Variants in GIGYF1 observed in about 807,000 individuals in gnomAD.
GIGYF1 encodes GRB10-interacting GYF protein 1.
GIGYF1 carries 84 observed loss-of-function variants against 147.1 expected under a neutral mutation model. That is an observed-to-expected ratio of 0.57 (90% CI 0.48 to 0.68). GIGYF1 has a LOEUF of 0.68. Ranked by LOEUF, GIGYF1 falls within the 30% of genes least tolerant of loss-of-function variation. The probability of loss-of-function intolerance (pLI) is 0.00; values close to 1 mark genes in which losing one functional copy is unlikely to be tolerated. For synonymous variants in GIGYF1, 752 were observed against 589.5 expected, an observed-to-expected ratio of 1.28 and a Z score of -3.99; for missense variants, 1,485 against 1,393.7, an observed-to-expected ratio of 1.07 and a Z score of -1.04.
chr7:100,685,557 TGGCTGGAACCGCGG>T, intron 12 of GIGYF1, 76 bp from the exon 13 acceptor site: 2 of 1,531,862 alleles, frequency 1.3e-6, no homozygotes, highest in Non-Finnish European at 1.8e-6. Context: ...CCCTTGAGTG[TGGCTGGAACCGCGG>T]GTCACACTCC....
In GIGYF1 at chr7:100,688,495, T is replaced by C. The variant is rs1047291437; in HGVS notation, c.-114A>G. 1.3e-5 allele frequency: 9 copies of C among 684,256 alleles called. No homozygotes were observed. In the African/African-American group the frequency reaches 1.6e-4, roughly 12 times the overall value. The allele number at this position is 684,256 out of a possible 1,614,324, so 42.4% of individuals were successfully genotyped here. On this transcript the variant is annotated 5_prime_UTR_variant, in exon 3 of 27. Coordinates refer to ENST00000678049, the MANE Select transcript of GIGYF1 (RefSeq NM_001375765.1). Reference sequence around the variant, plus strand: ...ACTCACACCATGAGTTACCCAGAGATGAGTCCAGACGGTGAAAGACCTGGG... The same window carrying C: ...ACTCACACCATGAGTTACCCAGAGACGAGTCCAGACGGTGAAAGACCTGGG...
At position 100,686,492 on chromosome 7, in the gene GIGYF1, C is replaced by T. The variant is rs374251154; in HGVS notation, c.695-59G>A. The T allele has an allele frequency of 5.7e-3, 8,719 of 1,533,620 alleles. 42 individuals are homozygous for T. The highest frequency in any genetic ancestry group is 6.9e-3 in the Non-Finnish European group (7,919 of 1,143,290). On this transcript the variant is annotated intron_variant, in intron 10 of 26. Coordinates refer to ENST00000678049, the MANE Select transcript of GIGYF1 (RefSeq NM_001375765.1). ...GTACCCAAGCGAAGCCAGCGGCCCC[C>T]TCTGCTGCAGCTCACGGAGCACCTC...
Position 100,682,098 on chromosome 7 carries a change from C to T in GIGYF1, c.2899G>A (p.Ala967Thr). The T allele has an allele frequency of 1.9e-6, 3 of 1,613,580 alleles. No homozygotes were observed. Among genetic ancestry groups the T allele is most frequent in the Non-Finnish European group, 2.5e-6 (3 of 1,179,850 alleles). ...QFLERRAKQK[A>T]SQQRQQQQEA... ...TGCTGCTGCTGCCGCTGCTGGCTGG[C>T]TTTCTGCTTGGCCCTCCGCTCCAGG... Residue 967 changes from alanine to threonine, a missense_variant, in exon 25 of 27, where the codon GCC (alanine) becomes ACC (threonine). Coordinates refer to ENST00000678049, the MANE Select transcript of GIGYF1 (RefSeq NM_001375765.1).
In GIGYF1 at chr7:100,683,026, G is replaced by C. The variant is rs1272746684; in HGVS notation, c.2398C>G (p.Pro800Ala). 1.7e-5 allele frequency: 26 copies of C among 1,536,472 alleles called. No individual in the cohort carries two copies. Among genetic ancestry groups the C allele is most frequent in the Non-Finnish European group, 2.0e-5 (23 of 1,146,422 alleles). The stretch of plus-strand genomic sequence containing the variant: ...GGCCTGCTCACCACTCGGTGGTTGG[G>C]GGCCTGGGCCCGAGCTGGCTCCCGA... ...PPREPARAQAPNHRVQLGGLG... is the reference protein window; with the variant it reads ...PPREPARAQAANHRVQLGGLG... The change falls in exon 22 of 27, where the codon CCC becomes GCC. Residue 800 changes from proline (P) to alanine (A), a missense_variant. Coordinates refer to ENST00000678049, the MANE Select transcript of GIGYF1 (RefSeq NM_001375765.1).
rs75108396 is a variant in GIGYF1, at chr7:100,680,240, G to C, written c.*1479C>G. ...ATCTTTCTGGGACTAGATGGGGAAA[G>C]AAACGGGCCACTCCCCATGTCCCCA... On this transcript the variant is annotated 3_prime_UTR_variant, in exon 27 of 27. Coordinates refer to ENST00000678049, the MANE Select transcript of GIGYF1 (RefSeq NM_001375765.1). 1 of 147,542 alleles carries C rather than the reference G, an allele frequency of 6.8e-6. No individual in the cohort carries two copies. Among genetic ancestry groups the C allele is most frequent in the African/African-American group, 2.5e-5 (1 of 39,530 alleles). The allele number at this position is 147,542 out of a possible 1,614,324, so 9.1% of individuals were successfully genotyped here.
At position 100,682,371 on chromosome 7, in the gene GIGYF1, C is replaced by G. The variant is rs754406719; in HGVS notation, c.2712G>C (p.Gln904His). 2.1e-5 allele frequency: 34 copies of G among 1,613,492 alleles called. No homozygotes were observed. Among genetic ancestry groups the G allele is most frequent in the South Asian group, 1.6e-4 (15 of 91,094 alleles). ...GIPRPQDGFT[Q>H]WCEQMLHTLS... ...GCGTGTGCAGCATCTGCTCGCACCA[C>G]TGGGTGAAGCCGTCCTGGGGCCTGG... The change falls in exon 24 of 27, where the codon CAG becomes CAC. Residue 904 changes from glutamine to histidine, a missense_variant. Transcript: ENST00000678049.
intron 19 of GIGYF1, 78 bp downstream of exon 19, chr7:100,683,740 G>GT: frequency 6.5e-7 from 1 of 1,547,166 alleles, no homozygotes; most frequent in Non-Finnish European, 8.9e-7. Context: ...CTAGGGGCGT[G>GT]TGGGGGTGGG....
chr7:100,682,332 G>C lies in GIGYF1; in HGVS notation c.2751C>G (p.Gly917=), dbSNP rs199593321. ...GAGCCGCTCGCCCACCGTCCAGGCT[G>C]CCCGTGGCGCTCAGCGTGTGCAGCA... ...EQMLHTLSAT[G]SLDVPMAVAI... Residue 917 remains glycine (G), a synonymous_variant, in exon 24 of 27, where the codon GGC becomes GGG. Coordinates refer to ENST00000678049, the MANE Select transcript of GIGYF1 (RefSeq NM_001375765.1). 3 of 1,612,354 alleles carry C rather than the reference G, an allele frequency of 1.9e-6. No individual in the cohort carries two copies. In the East Asian group the frequency reaches 6.7e-5, roughly 36 times the overall value.
Position 100,688,738 on chromosome 7 carries a change from A to G in GIGYF1, c.-281T>C, listed in dbSNP as rs1458583745. 3.1e-6 allele frequency: 1 copy of G among 325,398 alleles called. No individual in the cohort carries two copies. Among genetic ancestry groups the G allele is most frequent in the Non-Finnish European group, 6.2e-6 (1 of 161,738 alleles). The allele number at this position is 325,398 out of a possible 1,614,324, so 20.2% of individuals were successfully genotyped here. A position where few individuals can be genotyped will look rare whatever the true frequency, so the allele number is the denominator to read the frequency against. On this transcript the variant is annotated 5_prime_UTR_variant, in exon 2 of 27. Coordinates refer to ENST00000678049, the MANE Select transcript of GIGYF1 (RefSeq NM_001375765.1). ...AAGACCCTTAAGGAGAGCAGGGGGGAGGAGGGAGGGTTCAGGACATGGCTC... is the reference window on the plus strand; with the variant it reads ...AAGACCCTTAAGGAGAGCAGGGGGGGGGAGGGAGGGTTCAGGACATGGCTC...
At chr7:100,682,836 G>A (rs1344319479) in intron 22 of GIGYF1, 59 bp from the exon 23 acceptor site, 54 of 1,482,176 alleles carry the variant, frequency 3.6e-5, no homozygotes, top group Non-Finnish European at 4.8e-5. Flanking sequence ...AAGCGGATGG[G>A]GAGGCTTGTT....
At chr7:100,686,116 G>C (rs1805308927) in intron 11 of GIGYF1, 37 bp from the exon 12 acceptor site, 1 of 1,606,836 alleles carries the variant, frequency 6.2e-7, no homozygotes, top group Non-Finnish European at 8.5e-7. Context: ...AGAACAGCTG[G>C]GGTGGGTGGG....
chr7:100,686,150 A>G, intron 11 of GIGYF1, 30 bp downstream of exon 11: 1 of 1,601,584 alleles, frequency 6.2e-7, no homozygotes, highest in Non-Finnish European at 8.5e-7. Flanking sequence ...CCGGAAGGGC[A>G]GGTTCCCACC....
At chr7:100,690,069 G>T (rs1407842747) in intron 1 of GIGYF1, among the ~76,000 whole-genome samples, 1 of 152,214 alleles carries the variant, frequency 6.6e-6, no homozygotes. Flanking sequence ...CAATGTGAGT[G>T]TACTTAGTAA....
In GIGYF1 at chr7:100,681,964, C is replaced by T. The variant is rs372034152; in HGVS notation, c.2955G>A (p.Gln985=). The stretch of plus-strand genomic sequence containing the variant: ...TGCTGTGGTTGGCCTGGAAGGCCGT[C>T]TGCAGCGAGGCGCTGCTCAGCCATG... ...QEAWLSSASL[Q]TAFQANHSTK... Residue 985 remains glutamine (Q), a synonymous_variant, in exon 26 of 27, where the codon CAG becomes CAA. Coordinates refer to ENST00000678049, the MANE Select transcript of GIGYF1 (RefSeq NM_001375765.1). 135 of 1,609,100 alleles carry T rather than the reference C, an allele frequency of 8.4e-5. No homozygotes were observed. Among genetic ancestry groups the T allele is most frequent in the Non-Finnish European group, 1.0e-4 (118 of 1,179,950 alleles).
At chr7:100,682,989 C>G in intron 22 of GIGYF1, 23 bp downstream of exon 22, 2 of 1,470,502 alleles carry the variant, frequency 1.4e-6, no homozygotes, top group Middle Eastern at 2.3e-4. Context: ...AGGGGGAGCC[C>G]GGGAGGTTCC....
chr7:100,693,744 G>A (rs1442975621), intron 1 of GIGYF1, among the ~76,000 whole-genome samples: 3 of 151,928 alleles, frequency 2.0e-5, no homozygotes, highest in Non-Finnish European at 4.4e-5. Flanking sequence ...AGGAGCGCGG[G>A]GGTGGAAGGC....
chr7:100,681,397 A>C lies in GIGYF1; in HGVS notation c.*322T>G, dbSNP rs1584486889. ...AACCAAAAAACAAAAACCTCTGTGG[A>C]CCTTCCATTGTCACACCCACTATCC... On this transcript the variant is annotated 3_prime_UTR_variant, in exon 27 of 27. Transcript: ENST00000678049. 1 of 237,706 alleles carries C rather than the reference A, an allele frequency of 4.2e-6. No individual in the cohort carries two copies. Among genetic ancestry groups the C allele is most frequent in the Non-Finnish European group, 7.9e-6 (1 of 126,798 alleles). 14.7% of individuals were successfully genotyped at this position (237,706 alleles called of 1,614,324 possible).
Position 100,683,611 on chromosome 7 carries a change from T to G in GIGYF1, c.1991A>C (p.Asp664Ala). 6.2e-7 allele frequency: 1 copy of G among 1,614,148 alleles called. No individual in the cohort carries two copies. The highest frequency in any genetic ancestry group is 8.5e-7 in the Non-Finnish European group (1 of 1,179,982). The change falls in exon 20 of 27, where the codon GAC becomes GCC. Residue 664 changes from aspartate (D) to alanine (A), a missense_variant. Coordinates refer to ENST00000678049, the MANE Select transcript of GIGYF1 (RefSeq NM_001375765.1). ...SQSGGEASLW[D>A]IPINSSTQGP... ...CTGAGTCGAAGAGTTAATTGGTATG[T>G]CCCAAAGACTGGCCTCACCACCTGC...
Position 100,692,926 on chromosome 7 carries a change from A to G in GIGYF1, c.-1099+1184T>C, listed in dbSNP as rs78461833. Among the ~76,000 whole-genome samples, 15 of 152,314 alleles carry G rather than the reference A, an allele frequency of 9.8e-5. No homozygotes were observed. The East Asian group carries it at 2.7e-3, about 27-fold the overall frequency. Reference sequence around the variant, plus strand: ...CACAGGAAAGATGGGAAGGAGAAAGAACCCCAAATCCCCCATGTCGGCAGC... The same window carrying G: ...CACAGGAAAGATGGGAAGGAGAAAGGACCCCAAATCCCCCATGTCGGCAGC... On this transcript the variant is annotated intron_variant, in intron 1 of 26. Coordinates refer to ENST00000678049, the MANE Select transcript of GIGYF1 (RefSeq NM_001375765.1).
Sources: gnomAD v4.1 joint callset for allele counts (sites outside exome capture counted in the v4.1 genomes callset) on GRCh38, gnomAD v4.1.1 for gene constraint, MANE v1.5 for transcripts, NCBI Gene and HGNC (gene_info 2026-07-23, HGNC 2026-07-21) for gene names.